The following IQSEC1 variants were observed in gnomAD, a reference collection of about 807,000 sequenced individuals.
IQSEC1 encodes the protein IQ motif and SEC7 domain-containing protein 1.
In IQSEC1, 31 loss-of-function variants were observed where a neutral mutation model predicts 91.0. The observed-to-expected ratio is 0.34, with a 90% CI of 0.26 to 0.46. The LOEUF is 0.46. Ranked by LOEUF, IQSEC1 falls within the 20% of genes least tolerant of loss-of-function variation. IQSEC1 has a pLI of 1.00. For missense variants in IQSEC1, 1,388 were observed against 1,575.6 expected (o/e 0.88, Z 2.02); for synonymous variants, 699 against 662.6 (o/e 1.05, Z -0.84).
chr3:12,982,969 G>C (rs945422856), intron 1 of IQSEC1, among the ~76,000 whole-genome samples: 6 of 152,266 alleles, frequency 3.9e-5, no homozygotes, highest in Admixed American at 1.3e-4. Flanking sequence ...AGGCTGCAGA[G>C]GGAGGCCCTG....
chr3:13,055,020 C>G (rs360890), intron 1 of IQSEC1, among the ~76,000 whole-genome samples: 110,977 of 152,222 alleles, frequency 0.73, 40,924 homozygotes, highest in East Asian at 0.87. Flanking sequence ...CCCAAGCCCT[C>G]AGAAGGCCAC....
At chr3:13,074,208 G>C (rs1302154210), upstream of IQSEC1, among the ~76,000 whole-genome samples, 1 of 152,188 alleles carries the variant, frequency 6.6e-6, no homozygotes, top group African/African-American at 2.4e-5. Flanking sequence ...GCCATCAGAC[G>C]GGGTGGTCGG....
chr3:13,153,400 G>A (rs1377011638), intron 2 of IQSEC1, among the ~76,000 whole-genome samples: 3 of 152,214 alleles, frequency 2.0e-5, no homozygotes, highest in Non-Finnish European at 4.4e-5. Context: ...TGAAGGTCCT[G>A]GAAGAGGAGA....
At chr3:13,225,044 C>T (rs1391502511) in intron 1 of IQSEC1, among the ~76,000 whole-genome samples, 34 of 152,238 alleles carry the variant, frequency 2.2e-4, no homozygotes, top group Non-Finnish European at 5.9e-5. Flanking sequence ...AGACATTCTG[C>T]CTTTACCTGG....
intron 1 of IQSEC1, among the ~76,000 whole-genome samples, chr3:13,021,440 C>T (rs1293302589): frequency 6.6e-6 from 1 of 152,214 alleles, no homozygotes; most frequent in African/African-American, 2.4e-5. Context: ...ATGCTGGCAC[C>T]GCACCGGGCC....
intron 1 of IQSEC1, among the ~76,000 whole-genome samples, chr3:13,059,743 C>G (rs1705000579): frequency 6.6e-6 from 1 of 151,914 alleles, no homozygotes; most frequent in South Asian, 2.1e-4. Context: ...AGAGCAAGAC[C>G]CTATCTCTAA....
intron 1 of IQSEC1, among the ~76,000 whole-genome samples, chr3:13,176,616 C>A (rs887297500): frequency 1.3e-5 from 2 of 152,312 alleles, no homozygotes; most frequent in African/African-American, 4.8e-5. Flanking sequence ...CAGCAGGGCA[C>A]CATGACCCCA....
chr3:13,012,387 T>TA (rs1559718344), intron 1 of IQSEC1, among the ~76,000 whole-genome samples: 1 of 152,186 alleles, frequency 6.6e-6, no homozygotes, highest in East Asian at 1.9e-4. Flanking sequence ...CTCCTCCAGA[T>TA]AAAAACTCCA....
chr3:13,031,762 A>G (rs1398507512), intron 1 of IQSEC1, among the ~76,000 whole-genome samples: 1 of 152,098 alleles, frequency 6.6e-6, no homozygotes, highest in Non-Finnish European at 1.5e-5. Context: ...AACAAAACTG[A>G]GTGACTGTGA....
intron 1 of IQSEC1, among the ~76,000 whole-genome samples, chr3:13,069,981 T>C (rs550874452): frequency 2.6e-4 from 39 of 152,166 alleles, no homozygotes; most frequent in Middle Eastern, 6.8e-3. Flanking sequence ...ACCTTCACGA[T>C]GGACTGAGCC....
Position 13,259,885 on chromosome 3 carries a change from T to C in IQSEC1, c.272+22826A>G, listed in dbSNP as rs978967667. On this transcript the variant is annotated intron_variant, in intron 1 of 15. Coordinates refer to the IQSEC1 transcript ENST00000648114. The surrounding 1 kb of genome is among the most constrained non-coding windows in gnomAD (Gnocchi z 4.6). Reference sequence around the variant, plus strand: ...AGTTTCTACCATATACAGTTATTAATGACTTTATTTATATACCAATATTTA... The same window carrying C: ...AGTTTCTACCATATACAGTTATTAACGACTTTATTTATATACCAATATTTA... 6.6e-6 allele frequency among the ~76,000 whole-genome samples: 1 copy of C among 152,284 alleles called. No homozygotes were observed. The highest frequency in any genetic ancestry group is 1.5e-5 in the Non-Finnish European group (1 of 68,056).
intron 1 of IQSEC1, among the ~76,000 whole-genome samples, chr3:13,223,163 C>T (rs564227626): frequency 6.6e-6 from 1 of 152,254 alleles, no homozygotes; most frequent in Non-Finnish European, 1.5e-5. Context: ...ACTCTCCACA[C>T]TCCCTCAGTA....
At chr3:12,920,901 T>C (rs1327440237) in intron 5 of IQSEC1, among the ~76,000 whole-genome samples, 1 of 152,138 alleles carries the variant, frequency 6.6e-6, no homozygotes, top group African/African-American at 2.4e-5. Context: ...ACATGTGATG[T>C]GAGTGCCTGT....
chr3:12,954,489 A>C (rs1699772661), intron 1 of IQSEC1, among the ~76,000 whole-genome samples: 1 of 152,152 alleles, frequency 6.6e-6, no homozygotes, highest in South Asian at 2.1e-4. Context: ...TGCGTGGCAA[A>C]CATGGGGGAG....
At chr3:12,902,564 G>A (rs1694438450) in intron 13 of IQSEC1, among the ~76,000 whole-genome samples, 1 of 149,038 alleles carries the variant, frequency 6.7e-6, no homozygotes, top group Non-Finnish European at 1.5e-5. Flanking sequence ...CAGAGGAGAA[G>A]CTGACATGCA....
chr3:13,036,245 T>G (rs1704031408), intron 1 of IQSEC1, among the ~76,000 whole-genome samples: 1 of 151,996 alleles, frequency 6.6e-6, no homozygotes, highest in South Asian at 2.1e-4. Flanking sequence ...TCAGTGGAGG[T>G]GGTCACCTGG....
chr3:13,148,821 T>C (rs1031589472), intron 2 of IQSEC1, among the ~76,000 whole-genome samples: 1 of 152,270 alleles, frequency 6.6e-6, no homozygotes. Flanking sequence ...CTAGCCTGCT[T>C]TGGCTCCCAA....
chr3:13,243,002 AG>A (rs1695045984), intron 1 of IQSEC1, among the ~76,000 whole-genome samples: 2 of 152,122 alleles, frequency 1.3e-5, no homozygotes, highest in African/African-American at 2.4e-5. Context: ...AGAACTTGAG[AG>A]GGTTCCGCCA....
intron 2 of IQSEC1, 94 bp from the exon 3 acceptor site, chr3:12,936,791 G>T: frequency 7.7e-7 from 1 of 1,293,290 alleles, no homozygotes; most frequent in Non-Finnish European, 1.0e-6. Context: ...ACGTGGCTGT[G>T]CGACCTGGGA....
Sources: allele counts gnomAD v4.1 joint callset (sites outside exome capture counted in the v4.1 genomes callset), GRCh38; gene constraint gnomAD v4.1.1; non-coding constraint Gnocchi (gnomAD v3.1); transcripts MANE v1.5; gene names NCBI Gene and HGNC (gene_info 2026-07-23, HGNC 2026-07-21).